Variants in PHF3 observed in about 807,000 individuals in gnomAD.
PHF3 encodes PHD finger protein 3.
PHF3 carries 41 observed loss-of-function variants against 178.4 expected under a neutral mutation model. The ratio of observed to expected loss-of-function variants is 0.23; its 90% CI spans 0.18 to 0.30. PHF3 has a LOEUF of 0.30. Among genes scored for constraint, PHF3 ranks in the 10% least tolerant of loss-of-function variants. The probability of loss-of-function intolerance (pLI) is 1.00; values close to 1 mark genes in which losing one functional copy is unlikely to be tolerated. For missense variants in PHF3, 2,346 were observed against 2,398.1 expected (o/e 0.98, Z 0.45); for synonymous variants, 842 against 800.5 (o/e 1.05, Z -0.88).
In PHF3 at chr6:63,709,245, G is replaced by A. The variant is rs749444667; in HGVS notation, c.3801+5G>A. ...ATAAAAGCATCAGGAACCAAGGTGA[G>A]GAAAACTTTTTTCACTATACCAGCA... is the stretch of plus-strand genomic sequence containing the variant. On this transcript the variant is annotated splice_donor_5th_base_variant and intron_variant, in intron 14 of 15. Coordinates refer to ENST00000262043, the MANE Select transcript of PHF3 (RefSeq NM_001370348.2). 1 of 1,590,622 alleles carries A rather than the reference G, an allele frequency of 6.3e-7. No individual in the cohort carries two copies. Among genetic ancestry groups the A allele is most frequent in the East Asian group, 2.2e-5 (1 of 44,680 alleles).
At chr6:63,694,058 CCT>C (rs905025923) in intron 5 of PHF3, among the ~76,000 whole-genome samples, 16 of 152,282 alleles carry the variant, frequency 1.1e-4, no homozygotes, top group African/African-American at 3.8e-4. Flanking sequence ...CGTTCCTCTC[CCT>C]GTCTTTCAGG....
At chr6:63,667,748 A>C (rs1026059262) in intron 2 of PHF3, among the ~76,000 whole-genome samples, 20 of 152,182 alleles carry the variant, frequency 1.3e-4, no homozygotes, top group Non-Finnish European at 2.5e-4. Flanking sequence ...GTAAGACCAA[A>C]TGTCTCTTAG....
rs768181259 is a variant in PHF3, at chr6:63,709,142, TA to T, written c.3712-7del. ...TATATTGATCTCTTTTTTTTTTTTT[TA>T]ACCATAGGACCTACCAGATAGTATT... is the stretch of plus-strand genomic sequence containing the variant. On this transcript the variant is annotated splice_region_variant and splice_polypyrimidine_tract_variant and intron_variant, in intron 13 of 15. Coordinates refer to ENST00000262043, the MANE Select transcript of PHF3 (RefSeq NM_001370348.2). The T allele has an allele frequency of 1.5e-4, 221 of 1,433,358 alleles. No individual in the cohort carries two copies. The African/African-American group carries it at 2.8e-3, about 18-fold the overall frequency. 88.8% of individuals were successfully genotyped at this position (1,433,358 alleles called of 1,614,324 possible).
Position 63,712,175 on chromosome 6 carries a change from T to C in PHF3, c.4587T>C (p.Asn1529=), listed in dbSNP as rs777692794. The stretch of plus-strand genomic sequence containing the variant: ...AGGAGATAAAAGTTAAAGTAGATAA[T>C]ATTTCAGAATCTACAGATAAGTCAG... ...ENKEIKVKVD[N]ISESTDKSAE... The change falls in exon 16 of 16, where the codon AAT becomes AAC. Residue 1529 remains asparagine, a synonymous_variant. Transcript: ENST00000262043. The C allele has an allele frequency of 1.9e-6, 3 of 1,613,612 alleles. No homozygotes were observed. In the East Asian group the frequency reaches 6.7e-5, roughly 36 times the overall value.
intron 3 of PHF3, 110 bp downstream of exon 3, chr6:63,680,271 A>C (rs1443046461): frequency 1.1e-6 from 1 of 933,816 alleles, no homozygotes; most frequent in Non-Finnish European, 1.6e-6. Flanking sequence ...TTGCTAATCC[A>C]TTCGTTTTGA....
chr6:63,641,197 A>G (rs753362542), intron 1 of PHF3, among the ~76,000 whole-genome samples: 14 of 152,206 alleles, frequency 9.2e-5, no homozygotes, highest in Non-Finnish European at 1.5e-4. Context: ...CACTTTTAAG[A>G]CCTTTGTACT....
intron 6 of PHF3, among the ~76,000 whole-genome samples, chr6:63,697,119 A>G (rs1767263327): frequency 6.6e-6 from 1 of 152,164 alleles, no homozygotes; most frequent in Admixed American, 6.5e-5. Context: ...TGTAGGTGTG[A>G]AACTCGGGAA....
intron 1 of PHF3, among the ~76,000 whole-genome samples, chr6:63,639,288 T>A (rs1764477535): frequency 6.6e-6 from 1 of 152,192 alleles, no homozygotes; most frequent in Admixed American, 6.5e-5. Flanking sequence ...ACAGAAAGGC[T>A]GAACTTTAAC....
chr6:63,638,431 T>G (rs1378404697), intron 1 of PHF3, among the ~76,000 whole-genome samples: 1 of 152,154 alleles, frequency 6.6e-6, no homozygotes, highest in African/African-American at 2.4e-5. Flanking sequence ...GTGTTTGCTT[T>G]TTTGATACAT....
At position 63,720,513 on chromosome 6, in the gene PHF3, T is replaced by A. The variant is rs573554353; in HGVS notation, c.*6805T>A. On this transcript the variant is annotated 3_prime_UTR_variant, in exon 16 of 16. Transcript: ENST00000262043. ...TCAGGTAATATAGTAAACAGTTGAT[T>A]CCCCGTAAGCAATGTATCAAAGAAA... is the stretch of plus-strand genomic sequence containing the variant. 7.1e-6 allele frequency: 7 copies of A among 985,006 alleles called. No homozygotes were observed. In the South Asian group the frequency reaches 1.0e-4, roughly 14 times the overall value. 61.0% of individuals were successfully genotyped at this position (985,006 alleles called of 1,614,324 possible). A position where few individuals can be genotyped will look rare whatever the true frequency, so the allele number is the denominator to read the frequency against.
In PHF3 at chr6:63,685,235, G is replaced by A. The variant is rs2149584139; in HGVS notation, c.1513G>A (p.Ala505Thr). The stretch of plus-strand genomic sequence containing the variant: ...TTCTAAGCAAAACATGACCACAGAT[G>A]CTCCGAAGAAAATTGTTGCAGCAAA... ...IHSKQNMTTDAPKKIVAAKYE... is the reference protein window; with the variant it reads ...IHSKQNMTTDTPKKIVAAKYE... Residue 505 changes from alanine to threonine, a missense_variant, in exon 4 of 16, where the codon GCT (alanine) becomes ACT (threonine). This residue lies in a region of PHF3 where 843 missense variants were observed against 795.2 expected (regional missense o/e 1.06). Coordinates refer to ENST00000262043, the MANE Select transcript of PHF3 (RefSeq NM_001370348.2). 1 of 1,613,894 alleles carries A rather than the reference G, an allele frequency of 6.2e-7. No individual in the cohort carries two copies. Among genetic ancestry groups the A allele is most frequent in the Non-Finnish European group, 8.5e-7 (1 of 1,179,946 alleles).
chr6:63,706,989 T>G, intron 13 of PHF3, 113 bp downstream of exon 13: 1 of 868,158 alleles, frequency 1.2e-6, no homozygotes, highest in East Asian at 2.5e-5. Flanking sequence ...TAACAATGAT[T>G]TTTAAACAGT....
intron 3 of PHF3, among the ~76,000 whole-genome samples, chr6:63,681,238 C>G (rs969914256): frequency 1.3e-5 from 2 of 151,928 alleles, no homozygotes; most frequent in Non-Finnish European, 2.9e-5. Context: ...TTTGTGGAAT[C>G]TTGCTCTTCA....
chr6:63,700,392 C>T lies in PHF3; in HGVS notation c.3025C>T (p.His1009Tyr). 6.3e-7 allele frequency: 1 copy of T among 1,598,288 alleles called. No individual in the cohort carries two copies. Among genetic ancestry groups the T allele is most frequent in the Non-Finnish European group, 8.6e-7 (1 of 1,168,474 alleles). Residue 1009 changes from histidine (H) to tyrosine (Y), a missense_variant, in exon 9 of 16, where the codon CAT becomes TAT. Transcript: ENST00000262043. ...KVLKGEVTPD[H>Y]LIRMSPEELA... The stretch of plus-strand genomic sequence containing the variant: ...ACTGAAAGGAGAAGTAACTCCTGAT[C>T]ATCTTATCAGAATGAGTCCAGAAGA...
At chr6:63,701,250 G>A (rs1767462398) in intron 9 of PHF3, among the ~76,000 whole-genome samples, 1 of 152,164 alleles carries the variant, frequency 6.6e-6, no homozygotes, top group African/African-American at 2.4e-5. Context: ...TGCCATGTAT[G>A]AATGTTCATA....
At chr6:63,697,234 A>C (rs1407517015) in intron 6 of PHF3, among the ~76,000 whole-genome samples, 1 of 152,140 alleles carries the variant, frequency 6.6e-6, no homozygotes, top group Non-Finnish European at 1.5e-5. Flanking sequence ...AGGGGGAAGA[A>C]CTAATGTAGG....
chr6:63,658,908 A>G (rs1765351769), intron 2 of PHF3, among the ~76,000 whole-genome samples: 1 of 152,096 alleles, frequency 6.6e-6, no homozygotes, highest in South Asian at 2.1e-4. Context: ...TTTGAGTCCA[A>G]AGGCATTTTG....
At position 63,720,812 on chromosome 6, in the gene PHF3, A is replaced by T. The variant is rs1768349937; in HGVS notation, c.*7104A>T. On this transcript the variant is annotated 3_prime_UTR_variant, in exon 16 of 16. Transcript: ENST00000262043. ...CATAGTTTAGAGCCACAAAGTTTTT[A>T]TGTGGATCAATATCCTCGGAAAGAA... 1.9e-6 allele frequency: 3 copies of T among 1,551,078 alleles called. No homozygotes were observed. The East Asian group carries it at 7.3e-5, about 38-fold the overall frequency.
At chr6:63,710,695 A>C (rs758048323) in intron 14 of PHF3, among the ~76,000 whole-genome samples, 3 of 152,114 alleles carry the variant, frequency 2.0e-5, no homozygotes, top group African/African-American at 4.8e-5. Flanking sequence ...TAGTAACTGG[A>C]TTATTAGTAG....
Sources: gnomAD v4.1 joint callset for allele counts (sites outside exome capture counted in the v4.1 genomes callset) on GRCh38, gnomAD v4.1.1 for gene constraint, gnomAD v4.1.1 regional missense constraint, MANE v1.5 for transcripts, NCBI Gene and HGNC (gene_info 2026-07-23, HGNC 2026-07-21) for gene names.